Variants in RARB observed in about 807,000 individuals in gnomAD.
RARB encodes HBV-activated protein.
RARB carries 17 observed loss-of-function variants against 51.9 expected under a neutral mutation model. The ratio of observed to expected loss-of-function variants is 0.33; its 90% CI spans 0.22 to 0.49. The LOEUF (loss-of-function observed/expected upper bound fraction) is 0.49, where lower values mean the gene tolerates loss of function less well. RARB is among the 20% of genes least tolerant of loss of function. RARB has a pLI of 0.99. For missense variants in RARB, 369 were observed against 550.8 expected (o/e 0.67, Z 3.30); for synonymous variants, 215 against 195.4 (o/e 1.10, Z -0.84).
intron 2 of RARB, among the ~76,000 whole-genome samples, chr3:24,876,339 T>G (rs1289850476): frequency 6.6e-6 from 1 of 152,184 alleles, no homozygotes; most frequent in African/African-American, 2.4e-5. Context: ...TGCTTAATGG[T>G]AATTTTCTGC....
chr3:24,946,181 C>T (rs1163131281), intron 2 of RARB, among the ~76,000 whole-genome samples: 9 of 149,356 alleles, frequency 6.0e-5, no homozygotes, highest in African/African-American at 7.4e-5. Flanking sequence ...AGGAGAATGG[C>T]GTGAACCTGG....
intron 1 of RARB, chr3:25,441,205 C>A: frequency 3.5e-6 from 1 of 284,772 alleles, no homozygotes; most frequent in South Asian, 3.6e-5. Context: ...ATATGGATAA[C>A]ACACAGGTTA....
At chr3:24,939,592 A>G (rs1695617321) in intron 2 of RARB, among the ~76,000 whole-genome samples, 2 of 152,202 alleles carry the variant, frequency 1.3e-5, no homozygotes, top group African/African-American at 4.8e-5. Context: ...CTAGGGTCAA[A>G]CTTTGATCAA....
At chr3:25,082,098 C>T (rs1699017349) in intron 3 of RARB, among the ~76,000 whole-genome samples, 1 of 152,016 alleles carries the variant, frequency 6.6e-6, no homozygotes, top group South Asian at 2.1e-4. Context: ...TACTAGTTTC[C>T]ATTATATATT....
At chr3:25,519,426 C>T (rs1698309999) in intron 3 of RARB, among the ~76,000 whole-genome samples, 1 of 152,188 alleles carries the variant, frequency 6.6e-6, no homozygotes, top group African/African-American at 2.4e-5. Context: ...CCTTGCCATA[C>T]CTTGATATTT....
At chr3:25,564,111 A>T (rs1027460000) in intron 3 of RARB, among the ~76,000 whole-genome samples, 2 of 152,230 alleles carry the variant, frequency 1.3e-5, no homozygotes, top group Admixed American at 1.3e-4. Flanking sequence ...CACACATTAA[A>T]ATGAACATGA....
At chr3:25,373,213 A>T (rs1412448724) in intron 5 of RARB, among the ~76,000 whole-genome samples, 2 of 152,204 alleles carry the variant, frequency 1.3e-5, no homozygotes, top group Non-Finnish European at 2.9e-5. Context: ...AGTCTTTGGC[A>T]TGTGGATGGT....
intron 5 of RARB, among the ~76,000 whole-genome samples, chr3:25,232,121 A>G (rs934192478): frequency 1.3e-5 from 2 of 152,154 alleles, no homozygotes; most frequent in Admixed American, 1.3e-4. Flanking sequence ...TTTTTACAAA[A>G]CAGCCTTTGC....
chr3:25,534,453 C>T (rs1057047974), intron 3 of RARB, among the ~76,000 whole-genome samples: 2 of 152,028 alleles, frequency 1.3e-5, no homozygotes, highest in Non-Finnish European at 2.9e-5. Context: ...TCCTTAATAG[C>T]ATAAGTAGAG....
rs780963962 is a variant in RARB, at chr3:25,593,495, C to A, written c.787-8C>A. The A allele has an allele frequency of 5.0e-6, 8 of 1,597,592 alleles. No homozygotes were observed. In the South Asian group the frequency reaches 9.0e-5, roughly 18 times the overall value. On this transcript the variant is annotated splice_polypyrimidine_tract_variant and splice_region_variant and intron_variant, in intron 5 of 7. Coordinates refer to ENST00000330688, the MANE Select transcript of RARB (RefSeq NM_000965.5). ...TTAGAACATCCATCAATTTTTTTTT[C>A]CTTCCAGATTCTTAGAATTTGCACC...
chr3:24,954,816 G>T (rs1324713586), intron 2 of RARB, among the ~76,000 whole-genome samples: 1 of 152,104 alleles, frequency 6.6e-6, no homozygotes, highest in Non-Finnish European at 1.5e-5. Context: ...CTTGCAAAAA[G>T]GGTGTGACTC....
intron 2 of RARB, among the ~76,000 whole-genome samples, chr3:25,028,641 G>C (rs916334946): frequency 2.6e-5 from 4 of 152,158 alleles, no homozygotes; most frequent in Non-Finnish European, 4.4e-5. Flanking sequence ...TTTCAAGTGT[G>C]TGAGGATAAA....
intron 5 of RARB, among the ~76,000 whole-genome samples, chr3:25,230,255 C>G (rs966074293): frequency 2.6e-5 from 4 of 152,066 alleles, no homozygotes; most frequent in African/African-American, 9.7e-5. Context: ...ACCGAACATA[C>G]TTATTCTCTG....
chr3:25,295,182 T>C (rs1041259496), intron 5 of RARB, among the ~76,000 whole-genome samples: 1 of 152,198 alleles, frequency 6.6e-6, no homozygotes, highest in Non-Finnish European at 1.5e-5. Context: ...GCTTGCTTTG[T>C]GACTGTTGGG....
chr3:25,532,607 A>G lies in RARB; in HGVS notation c.448+31284A>G, dbSNP rs771849481. On this transcript the variant is annotated intron_variant, in intron 3 of 7. Transcript: ENST00000330688. The stretch of plus-strand genomic sequence containing the variant: ...CAAGAGTGTTTGAAATCTGCCATAT[A>G]TAATGTGGAAATGCTTGACCAACTG... Among the ~76,000 whole-genome samples the G allele has an allele frequency of 3.3e-5, 5 of 152,322 alleles. No individual in the cohort carries two copies. In the South Asian group the frequency reaches 8.3e-4, roughly 25 times the overall value.
At chr3:24,933,155 A>C (rs1695476653) in intron 2 of RARB, among the ~76,000 whole-genome samples, 2 of 152,124 alleles carry the variant, frequency 1.3e-5, no homozygotes, top group Non-Finnish European at 2.9e-5. Flanking sequence ...ATCTTTTTAA[A>C]AAAACAATAA....
At chr3:25,102,979 G>A (rs1189125639) in intron 3 of RARB, among the ~76,000 whole-genome samples, 1 of 152,198 alleles carries the variant, frequency 6.6e-6, no homozygotes, top group Non-Finnish European at 1.5e-5. Flanking sequence ...GAACCCAGGA[G>A]GCAGAGGTTG....
At chr3:25,080,439 A>G (rs1698970683) in intron 3 of RARB, among the ~76,000 whole-genome samples, 1 of 152,256 alleles carries the variant, frequency 6.6e-6, no homozygotes, top group African/African-American at 2.4e-5. Flanking sequence ...CTGTTAAAGT[A>G]GAATGGCTGG....
At chr3:25,189,025 G>C (rs1483259607) in intron 5 of RARB, among the ~76,000 whole-genome samples, 1 of 152,132 alleles carries the variant, frequency 6.6e-6, no homozygotes, top group Non-Finnish European at 1.5e-5. Context: ...GAGTCACAAA[G>C]TCATATAGTT....
Sources: allele counts gnomAD v4.1 joint callset (sites outside exome capture counted in the v4.1 genomes callset), GRCh38; gene constraint gnomAD v4.1.1; transcripts MANE v1.5; gene names NCBI Gene and HGNC (gene_info 2026-07-23, HGNC 2026-07-21).